Variants in CADPS2 observed in about 807,000 individuals in gnomAD.
The protein encoded by CADPS2 is calcium-dependent secretion activator 2.
In CADPS2, 93 loss-of-function variants were observed where a neutral mutation model predicts 172.5. That is an observed-to-expected ratio of 0.54 (90% CI 0.46 to 0.64). CADPS2 has a LOEUF of 0.64. Ranked by LOEUF, CADPS2 falls within the 30% of genes least tolerant of loss-of-function variation. The pLI, the probability that CADPS2 is intolerant of heterozygous loss-of-function variation, is 0.00. For synonymous variants in CADPS2, 546 were observed against 555.2 expected, an observed-to-expected ratio of 0.98 and a Z score of 0.23; for missense variants, 1,420 against 1,565.9, an observed-to-expected ratio of 0.91 and a Z score of 1.57.
intron 6 of CADPS2, among the ~76,000 whole-genome samples, chr7:122,588,579 C>G (rs1239868894): frequency 6.6e-6 from 1 of 151,912 alleles, no homozygotes; most frequent in Non-Finnish European, 1.5e-5. Flanking sequence ...ACAGATTCTT[C>G]TAATAATAGA....
rs1404144967 is a variant in CADPS2, at chr7:122,820,700, C to T, written c.339+65299G>A. On this transcript the variant is annotated intron_variant, in intron 1 of 29. Coordinates refer to ENST00000449022, the MANE Select transcript of CADPS2 (RefSeq NM_017954.11). The stretch of plus-strand genomic sequence containing the variant: ...TCAGCCTCCCGAGTAGCTGGGACTA[C>T]AGGCGCCCGCTACCACGCCCGGCTA... 1.8e-4 allele frequency among the ~76,000 whole-genome samples: 24 copies of T among 133,374 alleles called. 2 individuals are homozygous for T. The Admixed American group carries it at 1.9e-3, about 10-fold the overall frequency. 87.5% of individuals were successfully genotyped at this position (133,374 alleles called of 152,430 possible).
intron 24 of CADPS2, among the ~76,000 whole-genome samples, chr7:122,386,015 C>A (rs2043615897): frequency 6.6e-6 from 1 of 151,946 alleles, no homozygotes; most frequent in African/African-American, 2.4e-5. Flanking sequence ...ATAATTTTAT[C>A]TTTAAAATTC....
At chr7:122,379,095 G>C (rs2042689720) in intron 25 of CADPS2, 1 of 302,860 alleles carries the variant, frequency 3.3e-6, no homozygotes, top group Non-Finnish European at 6.3e-6. Flanking sequence ...GAACATGAAT[G>C]TGACACAATA....
intron 1 of CADPS2, among the ~76,000 whole-genome samples, chr7:122,763,243 TATAA>T (rs2093447500): frequency 6.6e-6 from 1 of 151,238 alleles, no homozygotes; most frequent in Non-Finnish European, 1.5e-5. Context: ...ATGTGCATAA[TATAA>T]ATAATGAATC....
chr7:122,554,832 C>T (rs1339986722), intron 7 of CADPS2, 143 bp from the exon 8 acceptor site: 3 of 582,692 alleles, frequency 5.1e-6, no homozygotes, highest in South Asian at 7.2e-5. Context: ...CTCCCTACTA[C>T]AATAGCTGAT....
chr7:122,336,848 G>A (rs2035934755), intron 28 of CADPS2, among the ~76,000 whole-genome samples: 1 of 152,142 alleles, frequency 6.6e-6, no homozygotes, highest in African/African-American at 2.4e-5. Flanking sequence ...CCTCTGGTCA[G>A]TTTGCATGTG....
intron 3 of CADPS2, among the ~76,000 whole-genome samples, chr7:122,645,356 T>A (rs1222593152): frequency 9.0e-6 from 1 of 110,570 alleles, no homozygotes; most frequent in Admixed American, 9.0e-5. Context: ...TGTGTGTGTA[T>A]ACATGTACAT....
chr7:122,628,004 A>G (rs894851314), intron 4 of CADPS2, among the ~76,000 whole-genome samples: 1 of 152,166 alleles, frequency 6.6e-6, no homozygotes, highest in African/African-American at 2.4e-5. Context: ...TATCCTTTCA[A>G]TCACTGCCCT....
chr7:122,696,946 A>C (rs923799792), intron 2 of CADPS2, among the ~76,000 whole-genome samples: 3 of 152,172 alleles, frequency 2.0e-5, no homozygotes, highest in Non-Finnish European at 4.4e-5. Flanking sequence ...ACCATATCAT[A>C]ATAATAATAA....
chr7:122,367,941 C>T (rs573178061), intron 25 of CADPS2: 2 of 152,190 alleles, frequency 1.3e-5, no homozygotes, highest in African/African-American at 4.8e-5. Context: ...AAGCTGGCAA[C>T]ATAGCATCTC....
chr7:122,609,581 T>C (rs185122071), intron 6 of CADPS2, among the ~76,000 whole-genome samples: 53 of 152,308 alleles, frequency 3.5e-4, no homozygotes, highest in Admixed American at 6.5e-4. Context: ...ACAAATTACA[T>C]TGCCTCACCG....
chr7:122,596,486 A>C (rs1296442445), intron 6 of CADPS2, among the ~76,000 whole-genome samples: 1 of 152,186 alleles, frequency 6.6e-6, no homozygotes, highest in Non-Finnish European at 1.5e-5. Flanking sequence ...AGATGAAGGC[A>C]AACAGACTCT....
intron 17 of CADPS2, among the ~76,000 whole-genome samples, chr7:122,433,548 C>G (rs910057826): frequency 6.6e-6 from 1 of 151,898 alleles, no homozygotes; most frequent in Non-Finnish European, 1.5e-5. Flanking sequence ...GGATTGCAGG[C>G]ATGCACCCCC....
At chr7:122,382,597 C>G (rs1252742218) in intron 24 of CADPS2, among the ~76,000 whole-genome samples, 1 of 151,508 alleles carries the variant, frequency 6.6e-6, no homozygotes, top group Non-Finnish European at 1.5e-5. Flanking sequence ...GTTTTTTTTC[C>G]CATTTAGTAT....
At chr7:122,707,071 A>T (rs1201879013) in intron 2 of CADPS2, among the ~76,000 whole-genome samples, 1 of 151,788 alleles carries the variant, frequency 6.6e-6, no homozygotes, top group Non-Finnish European at 1.5e-5. Flanking sequence ...AAAGACATGA[A>T]CCAGAAGGTA....
chr7:122,754,372 C>T (rs942161837), intron 1 of CADPS2, among the ~76,000 whole-genome samples: 2 of 152,118 alleles, frequency 1.3e-5, no homozygotes, highest in Non-Finnish European at 1.5e-5. Flanking sequence ...AAAATGTTTG[C>T]TTCTAAGGTA....
chr7:122,626,843 A>G (rs1396240362), intron 4 of CADPS2, among the ~76,000 whole-genome samples: 1 of 152,212 alleles, frequency 6.6e-6, no homozygotes, highest in Admixed American at 6.5e-5. Context: ...TGTTTAGAAA[A>G]TAGCTATCAT....
chr7:122,757,936 G>T (rs1036151099), intron 1 of CADPS2, among the ~76,000 whole-genome samples: 1 of 151,948 alleles, frequency 6.6e-6, no homozygotes, highest in African/African-American at 2.4e-5. Flanking sequence ...ATCAACAGAG[G>T]CATGAGATAA....
chr7:122,495,737 C>G (rs1478423962), intron 9 of CADPS2, among the ~76,000 whole-genome samples: 1 of 152,120 alleles, frequency 6.6e-6, no homozygotes. Context: ...TAGCTGCTTT[C>G]CAATTTGTAC....
Sources: gnomAD v4.1 joint callset for allele counts (sites outside exome capture counted in the v4.1 genomes callset) on GRCh38, gnomAD v4.1.1 for gene constraint, MANE v1.5 for transcripts, NCBI Gene and HGNC (gene_info 2026-07-23, HGNC 2026-07-21) for gene names.